Variants in ZNF385D observed in about 807,000 individuals in gnomAD.
The protein encoded by ZNF385D is zinc finger protein 385D.
ZNF385D carries 15 observed loss-of-function variants against 35.8 expected under a neutral mutation model. That is an observed-to-expected ratio of 0.42 (90% CI 0.28 to 0.64). ZNF385D has a LOEUF of 0.64. ZNF385D is among the 30% of genes least tolerant of loss of function. The probability of loss-of-function intolerance (pLI) is 0.23; values close to 1 mark genes in which losing one functional copy is unlikely to be tolerated. For synonymous variants in ZNF385D, 212 were observed against 186.8 expected (o/e 1.13, Z -1.10); for missense variants, 474 against 494.6 (o/e 0.96, Z 0.39).
intron 4 of ZNF385D, among the ~76,000 whole-genome samples, chr3:21,474,851 C>T (rs1232948520): frequency 6.6e-6 from 1 of 152,028 alleles, no homozygotes; most frequent in African/African-American, 2.4e-5. Flanking sequence ...TGATTACATT[C>T]CTCATGACAT....
At chr3:21,960,388 A>T (rs1214975527) in intron 3 of ZNF385D, among the ~76,000 whole-genome samples, 6 of 152,182 alleles carry the variant, frequency 3.9e-5, no homozygotes, top group African/African-American at 7.2e-5. Flanking sequence ...ATAATGAAAT[A>T]TCACCTCACC....
chr3:22,318,994 A>C (rs1704050642), intron 2 of ZNF385D, among the ~76,000 whole-genome samples: 1 of 152,218 alleles, frequency 6.6e-6, no homozygotes, highest in South Asian at 2.1e-4. Context: ...TTTTCTTATT[A>C]ATGACCAAAG....
intron 3 of ZNF385D, among the ~76,000 whole-genome samples, chr3:21,964,614 T>C (rs1438152327): frequency 6.6e-6 from 1 of 150,974 alleles, no homozygotes; most frequent in African/African-American, 2.4e-5. Flanking sequence ...CTCCGCCTCC[T>C]GAGTAACTGG....
chr3:21,798,594 C>G (rs564476018), intron 3 of ZNF385D, among the ~76,000 whole-genome samples: 2 of 152,246 alleles, frequency 1.3e-5, no homozygotes, highest in African/African-American at 4.8e-5. Flanking sequence ...TTTTGATTAA[C>G]TCAGCGTCAA....
At chr3:21,997,161 T>C (rs764679940) in intron 3 of ZNF385D, among the ~76,000 whole-genome samples, 5 of 152,078 alleles carry the variant, frequency 3.3e-5, no homozygotes, top group South Asian at 2.1e-4. Flanking sequence ...TGGAATACTA[T>C]GCAGCTGTAA....
intron 2 of ZNF385D, among the ~76,000 whole-genome samples, chr3:22,333,879 C>G (rs918104258): frequency 6.6e-6 from 1 of 152,126 alleles, no homozygotes; most frequent in Non-Finnish European, 1.5e-5. Context: ...TCAGGTGGTA[C>G]TATATATTCT....
intron 3 of ZNF385D, among the ~76,000 whole-genome samples, chr3:22,099,860 G>A (rs1701835653): frequency 1.3e-5 from 2 of 152,028 alleles, no homozygotes; most frequent in South Asian, 2.1e-4. Context: ...GAGCCTGGTT[G>A]TAGAATGTAT....
chr3:22,303,731 T>C (rs1024084003), intron 2 of ZNF385D, among the ~76,000 whole-genome samples: 1 of 152,114 alleles, frequency 6.6e-6, no homozygotes, highest in Non-Finnish European at 1.5e-5. Flanking sequence ...CTCAATAATT[T>C]TATTTCCTCA....
intron 3 of ZNF385D, among the ~76,000 whole-genome samples, chr3:21,830,640 C>T (rs959510378): frequency 6.6e-6 from 1 of 152,182 alleles, no homozygotes; most frequent in Admixed American, 6.5e-5. Flanking sequence ...GACCTCTAGA[C>T]CACATCTTCC....
At chr3:21,715,569 C>T (rs1323039901) in intron 1 of ZNF385D, among the ~76,000 whole-genome samples, 1 of 151,954 alleles carries the variant, frequency 6.6e-6, no homozygotes, top group Non-Finnish European at 1.5e-5. Context: ...TATGAGTTCA[C>T]ATGCTTTTTT....
rs141820069 is a variant in ZNF385D at position 22,285,982 on chromosome 3, C to T, written c.106+86468G>A. Among the ~76,000 whole-genome samples, 483 of 152,190 alleles carry T rather than the reference C, an allele frequency of 3.2e-3. 6 individuals carry two copies. The highest frequency in any genetic ancestry group is 0.011 in the African/African-American group (452 of 41,526). ...CCTAGGAGTCAACCAGATCATGATA[C>T]GTCTCCACAGCATTTCTTATTAAAT... On this transcript the variant is annotated intron_variant, in intron 2 of 5. Coordinates refer to the ZNF385D transcript ENST00000494108.
At chr3:21,806,290 A>C (rs1044947252) in intron 3 of ZNF385D, among the ~76,000 whole-genome samples, 3 of 151,464 alleles carry the variant, frequency 2.0e-5, no homozygotes, top group African/African-American at 7.3e-5. Context: ...AAAAGAATGA[A>C]TGCTCATGGG....
intron 4 of ZNF385D, among the ~76,000 whole-genome samples, chr3:21,498,681 A>G (rs1183171009): frequency 1.8e-4 from 27 of 152,094 alleles, no homozygotes. Flanking sequence ...CAGAATGGCT[A>G]TTAATAACAA....
chr3:21,901,408 C>A (rs1363735465), intron 3 of ZNF385D, among the ~76,000 whole-genome samples: 2 of 152,158 alleles, frequency 1.3e-5, no homozygotes, highest in Non-Finnish European at 2.9e-5. Flanking sequence ...AACTAAGAAG[C>A]TTCCTGTCTC....
chr3:21,564,626 C>A lies in ZNF385D; in HGVS notation c.224G>T (p.Arg75Leu). Residue 75 changes from arginine (R) to leucine (L), a missense_variant, in exon 3 of 8, where the codon CGA becomes CTA. Arg to Leu is a moderately radical substitution (Grantham distance 102). Coordinates refer to ENST00000281523, the MANE Select transcript of ZNF385D (RefSeq NM_024697.3). Reference protein sequence around the residue: ...NHTFGVPLPHRRKQIISCNIC... With the variant: ...NHTFGVPLPHLRKQIISCNIC... ...GTTGCATGATATGATTTGCTTTCTT[C>A]GGTGGGGAAGAGGAACCCCGAATGT... The A allele has an allele frequency of 6.4e-7, 1 of 1,571,078 alleles. No homozygotes were observed. The highest frequency in any genetic ancestry group is 8.6e-7 in the Non-Finnish European group (1 of 1,157,708).
intron 3 of ZNF385D, among the ~76,000 whole-genome samples, chr3:21,550,038 A>C (rs2062513080): frequency 6.6e-6 from 1 of 152,194 alleles, no homozygotes; most frequent in South Asian, 2.1e-4. Flanking sequence ...TAACCACTAG[A>C]CCACGAGGGA....
At chr3:21,833,554 A>C (rs77411833) in intron 3 of ZNF385D, among the ~76,000 whole-genome samples, 3,478 of 152,242 alleles carry the variant, frequency 0.023, 150 homozygotes, top group African/African-American at 0.079. Context: ...ACTCCAGAGA[A>C]AGTGTGGCCC....
chr3:22,211,499 G>C (rs1416188393), intron 2 of ZNF385D, among the ~76,000 whole-genome samples: 1 of 151,898 alleles, frequency 6.6e-6, no homozygotes, highest in Non-Finnish European at 1.5e-5. Context: ...ATGAGCATTT[G>C]GAATTTAGTT....
At chr3:21,815,000 A>G (rs185637449) in intron 3 of ZNF385D, among the ~76,000 whole-genome samples, 1 of 152,356 alleles carries the variant, frequency 6.6e-6, no homozygotes, top group Admixed American at 6.5e-5. Flanking sequence ...ACCACAGTGT[A>G]GTCAAATTAG....
Sources: gnomAD v4.1 joint callset for allele counts (sites outside exome capture counted in the v4.1 genomes callset) on GRCh38, gnomAD v4.1.1 for gene constraint, MANE v1.5 for transcripts, NCBI Gene and HGNC (gene_info 2026-07-23, HGNC 2026-07-21) for gene names.